PHF2: variants seen among roughly 807,000 people sequenced by gnomAD.
The protein encoded by PHF2 is lysine-specific demethylase PHF2.
In PHF2, 27 loss-of-function variants were observed where a neutral mutation model predicts 120.5. The ratio of observed to expected loss-of-function variants is 0.22; its 90% CI spans 0.17 to 0.31. PHF2 has a LOEUF of 0.31. PHF2 is among the 10% of genes least tolerant of loss of function. PHF2 has a pLI of 1.00. For synonymous variants in PHF2, 568 were observed against 592.5 expected (o/e 0.96, Z 0.60); for missense variants, 1,024 against 1,434.8 (o/e 0.71, Z 4.63).
At chr9:93,624,283 G>A (rs1243468481) in intron 1 of PHF2, among the ~76,000 whole-genome samples, 3 of 152,204 alleles carry the variant, frequency 2.0e-5, no homozygotes, top group Non-Finnish European at 4.4e-5. Flanking sequence ...TGATGGTGAT[G>A]GTGAAGGTGA....
At chr9:93,667,291 G>A (rs1319200035) in intron 17 of PHF2, 51 bp downstream of exon 17, 1 of 1,575,092 alleles carries the variant, frequency 6.3e-7, no homozygotes, top group South Asian at 1.2e-5. Context: ...GGCAGGCCCA[G>A]GGCTGGCCCT....
intron 9 of PHF2, among the ~76,000 whole-genome samples, chr9:93,657,842 C>T (rs1826487644): frequency 1.3e-5 from 2 of 152,122 alleles, no homozygotes; most frequent in South Asian, 4.1e-4. Flanking sequence ...TCCCCTTGCT[C>T]AGGTAGGGCT....
At chr9:93,670,672 C>T (rs1826765078) in intron 17 of PHF2, among the ~76,000 whole-genome samples, 1 of 152,168 alleles carries the variant, frequency 6.6e-6, no homozygotes, top group East Asian at 1.9e-4. Context: ...CCAGCAGCAC[C>T]AAGCCCCTGG....
At chr9:93,636,229 G>A (rs948870380) in intron 2 of PHF2, among the ~76,000 whole-genome samples, 182 bp from the exon 3 acceptor site, 1 of 152,084 alleles carries the variant, frequency 6.6e-6, no homozygotes, top group African/African-American at 2.4e-5. Flanking sequence ...TCGAGGTAGG[G>A]GGTTGACTCC....
chr9:93,673,884 G>A, intron 18 of PHF2, 22 bp downstream of exon 18: 5 of 1,558,516 alleles, frequency 3.2e-6, no homozygotes, highest in Non-Finnish European at 3.5e-6. Flanking sequence ...TCCTGCGTGG[G>A]GCAGGGCCCA....
intron 1 of PHF2, among the ~76,000 whole-genome samples, chr9:93,624,057 G>A (rs1418041142): frequency 6.6e-6 from 1 of 152,254 alleles, no homozygotes; most frequent in Non-Finnish European, 1.5e-5. Flanking sequence ...TATCCTTAGT[G>A]AATGAATAAG....
At chr9:93,617,100 TG>T (rs1373300670) in intron 1 of PHF2, among the ~76,000 whole-genome samples, 1 of 152,018 alleles carries the variant, frequency 6.6e-6, no homozygotes, top group East Asian at 1.9e-4. Flanking sequence ...GTCTGGAGGG[TG>T]GCATGGTCGG....
intron 1 of PHF2, among the ~76,000 whole-genome samples, chr9:93,591,906 C>T (rs1373375097): frequency 6.6e-6 from 1 of 152,254 alleles, no homozygotes. Context: ...GGCTGCTCAC[C>T]TGCAGAGGCC....
chr9:93,647,888 CA>C (rs35872422), intron 4 of PHF2, among the ~76,000 whole-genome samples: 81 of 145,638 alleles, frequency 5.6e-4, no homozygotes, highest in African/African-American at 1.6e-3. Flanking sequence ...GATTTCATCT[CA>C]AAAAAAAAAA....
chr9:93,627,489 A>G (rs2131646770), intron 1 of PHF2, among the ~76,000 whole-genome samples: 1 of 51,926 alleles, frequency 1.9e-5, no homozygotes, highest in East Asian at 8.0e-4. Flanking sequence ...CTTTTATTTC[A>G]GGATTTTTTT....
chr9:93,649,261 C>T (rs1054965335), intron 5 of PHF2, 49 bp downstream of exon 5: 15 of 1,486,396 alleles, frequency 1.0e-5, no homozygotes, highest in Admixed American at 3.9e-5. Context: ...GGGGCAGGGG[C>T]GCTGTGCCGT....
chr9:93,584,865 G>A (rs1007080679), intron 1 of PHF2, among the ~76,000 whole-genome samples: 1 of 152,196 alleles, frequency 6.6e-6, no homozygotes, highest in South Asian at 2.1e-4. Context: ...ATCCATGAAC[G>A]TGGGATACCT....
At chr9:93,590,861 G>T (rs545019626) in intron 1 of PHF2, among the ~76,000 whole-genome samples, 1 of 152,296 alleles carries the variant, frequency 6.6e-6, no homozygotes, top group South Asian at 2.1e-4. Flanking sequence ...TTTGTCCTAT[G>T]GCCCTGGCAC....
At chr9:93,671,582 G>A (rs1587721518) in intron 17 of PHF2, among the ~76,000 whole-genome samples, 2 of 143,322 alleles carry the variant, frequency 1.4e-5, no homozygotes, top group South Asian at 4.6e-4. Flanking sequence ...AGATGCAGAT[G>A]TGGGTGTGGG....
intron 3 of PHF2, among the ~76,000 whole-genome samples, chr9:93,643,258 T>G (rs1487357991): frequency 1.3e-5 from 2 of 152,208 alleles, no homozygotes; most frequent in Non-Finnish European, 2.9e-5. Context: ...CAGATCCAGT[T>G]TGGGGTTCCC....
chr9:93,620,595 A>T (rs1248365371), intron 1 of PHF2, among the ~76,000 whole-genome samples: 1 of 152,220 alleles, frequency 6.6e-6, no homozygotes, highest in Admixed American at 6.5e-5. Context: ...ACTCTGCATT[A>T]GTGAGGGGTT....
chr9:93,586,809 G>A (rs1005634861), intron 1 of PHF2, among the ~76,000 whole-genome samples: 4 of 152,228 alleles, frequency 2.6e-5, no homozygotes, highest in Non-Finnish European at 5.9e-5. Context: ...GCAGCAGTGA[G>A]GAAGACTGCA....
At chr9:93,617,013 T>C (rs553019223) in intron 1 of PHF2, among the ~76,000 whole-genome samples, 1 of 152,320 alleles carries the variant, frequency 6.6e-6, no homozygotes, top group African/African-American at 2.4e-5. Context: ...ATTAAATGAA[T>C]GTTCTTAACT....
chr9:93,649,509 G>T (rs1467156279), intron 5 of PHF2, among the ~76,000 whole-genome samples: 1 of 151,352 alleles, frequency 6.6e-6, no homozygotes, highest in African/African-American at 2.4e-5. Context: ...TCTGGTCTTG[G>T]CCCTGCCCAT....
Sources: gnomAD v4.1 joint callset for allele counts (sites outside exome capture counted in the v4.1 genomes callset) on GRCh38, gnomAD v4.1.1 for gene constraint, MANE v1.5 for transcripts, NCBI Gene and HGNC (gene_info 2026-07-23, HGNC 2026-07-21) for gene names.